The following FANCA variants were observed in gnomAD, a reference collection of about 807,000 sequenced individuals.
FANCA encodes the protein Fanconi anemia group A protein.
FANCA carries 236 observed loss-of-function variants against 194.3 expected under a neutral mutation model. The ratio of observed to expected loss-of-function variants is 1.21; its 90% CI spans 1.09 to 1.35. The LOEUF is 1.35. FANCA is among the 40% of genes most tolerant of loss of function. The pLI is 0.00. For missense variants in FANCA, 2,628 were observed against 1,813.9 expected, an observed-to-expected ratio of 1.45 and a Z score of -8.15; for synonymous variants, 1,014 against 715.8, an observed-to-expected ratio of 1.42 and a Z score of -6.65.
At chr16:89,752,635 C>G (rs1276713925) in intron 30 of FANCA, among the ~76,000 whole-genome samples, 1 of 152,208 alleles carries the variant, frequency 6.6e-6, no homozygotes, top group African/African-American at 2.4e-5. Flanking sequence ...TGATAATCCT[C>G]ACTCAATAAT....
chr16:89,761,840 G>T, intron 29 of FANCA, 109 bp downstream of exon 29: 1 of 872,020 alleles, frequency 1.1e-6, no homozygotes, highest in Non-Finnish European at 2.0e-6. Flanking sequence ...TGCCCAGGCT[G>T]ACCTCAAACT....
At chr16:89,786,809 T>C (rs1029478830) in intron 14 of FANCA, among the ~76,000 whole-genome samples, 2 of 152,164 alleles carry the variant, frequency 1.3e-5, no homozygotes, top group African/African-American at 4.8e-5. Context: ...AGTTAAAAAT[T>C]TAAATAAAAC....
intron 31 of FANCA, among the ~76,000 whole-genome samples, chr16:89,750,501 A>C (rs953569177): frequency 2.1e-5 from 3 of 145,588 alleles, no homozygotes; most frequent in Non-Finnish European, 3.1e-5. Context: ...ACAAACAAAA[A>C]AAAACAGCCA....
intron 3 of FANCA, among the ~76,000 whole-genome samples, chr16:89,813,568 G>A (rs1049079978): frequency 3.9e-5 from 6 of 152,048 alleles, no homozygotes; most frequent in African/African-American, 1.2e-4. Context: ...GAATAGCTGG[G>A]ACTACAGGCA....
Position 89,769,870 on chromosome 16 carries a change from C to T in FANCA, c.2471G>A (p.Cys824Tyr), listed in dbSNP as rs2143331796. The T allele has an allele frequency of 1.2e-6, 2 of 1,614,164 alleles. No homozygotes were observed. Among genetic ancestry groups the T allele is most frequent in the African/African-American group, 1.3e-5 (1 of 75,050 alleles). ...GAAGAACAAGGAATCCCTCGTCCTA[C>T]AGGTCAGGAGGCTGTCAAAGAGCGC... ...VPALFDSLLT[C>Y]RTRDSLFFCL... is the part of the protein sequence containing the mutation. Residue 824 changes from cysteine to tyrosine, a missense_variant, in exon 26 of 43, where the codon TGT becomes TAT. Transcript: ENST00000389301.
chr16:89,766,640 G>A (rs1484105996), intron 27 of FANCA, among the ~76,000 whole-genome samples: 2 of 152,034 alleles, frequency 1.3e-5, no homozygotes, highest in East Asian at 1.9e-4. Flanking sequence ...GCCTGAACCC[G>A]GGAGGTGGAG....
chr16:89,780,685 T>G (rs538979616), intron 17 of FANCA, among the ~76,000 whole-genome samples: 2 of 151,404 alleles, frequency 1.3e-5, no homozygotes, highest in South Asian at 4.2e-4. Flanking sequence ...TCCCAGCATT[T>G]TGGGGGGCCA....
At chr16:89,740,651 A>C (rs1476649258) in intron 38 of FANCA, 153 bp downstream of exon 38, 12 of 654,912 alleles carry the variant, frequency 1.8e-5, no homozygotes, top group Non-Finnish European at 3.3e-5. Flanking sequence ...AAAAAAAAAA[A>C]AAACCCACGG....
At position 89,738,498 on chromosome 16, in the gene FANCA, G is replaced by C. The variant is rs536287114; in HGVS notation, c.*103C>G. The C allele has an allele frequency of 1.9e-6, 3 of 1,550,248 alleles. No individual in the cohort carries two copies. The highest frequency in any genetic ancestry group is 2.3e-5 in the East Asian group (1 of 44,412). ...GATTCCTTTCCCCACTAAAGCAGTC[G>C]AGGAGATTTGTAATCCACTTTTTAG... On this transcript the variant is annotated 3_prime_UTR_variant, in exon 43 of 43. Coordinates refer to ENST00000389301, the MANE Select transcript of FANCA (RefSeq NM_000135.4).
intron 15 of FANCA, 118 bp downstream of exon 15, chr16:89,784,736 C>T (rs1360654621): frequency 7.4e-6 from 6 of 810,142 alleles, no homozygotes; most frequent in Non-Finnish European, 1.3e-5. Flanking sequence ...AGGGGAAGGG[C>T]CTGGCTGAGA....
chr16:89,775,052 C>G (rs185786701), intron 21 of FANCA, among the ~76,000 whole-genome samples: 1 of 152,018 alleles, frequency 6.6e-6, no homozygotes, highest in Admixed American at 6.6e-5. Context: ...CAAAATCGCG[C>G]CACTGCAGTC....
chr16:89,770,740 A>C (rs2143341532), intron 23 of FANCA, 106 bp from the exon 24 acceptor site: 1 of 982,024 alleles, frequency 1.0e-6, no homozygotes, highest in Non-Finnish European at 1.6e-6. Context: ...GCTTTGCAAA[A>C]AGACCTCCAA....
chr16:89,793,899 C>G, intron 11 of FANCA, among the ~76,000 whole-genome samples: 1 of 152,200 alleles, frequency 6.6e-6, no homozygotes, highest in East Asian at 1.9e-4. Context: ...TACAGGCGCC[C>G]ACCACCACGC....
chr16:89,795,149 G>A (rs1351558146), intron 11 of FANCA, among the ~76,000 whole-genome samples: 2 of 151,648 alleles, frequency 1.3e-5, no homozygotes, highest in East Asian at 3.9e-4. Flanking sequence ...GCCGGGCATG[G>A]TGGCACATGC....
intron 8 of FANCA, among the ~76,000 whole-genome samples, chr16:89,799,969 G>A (rs1473277878): frequency 3.9e-5 from 6 of 152,194 alleles, no homozygotes; most frequent in Admixed American, 1.3e-4. Flanking sequence ...AGTCCGGCCC[G>A]GGCGAAAGAG....
chr16:89,739,461 C>T lies in FANCA; in HGVS notation c.4010+17G>A, dbSNP rs1318852669. 1.3e-6 allele frequency: 2 copies of T among 1,551,840 alleles called. No individual in the cohort carries two copies. The highest frequency in any genetic ancestry group is 4.9e-5 in the East Asian group (2 of 41,066). ...GAAACACTGCCCAGCCCTGACCAGC[C>T]CTGTGGGTGGAGGTACCTGTAAAAA... On this transcript the variant is annotated intron_variant, in intron 40 of 42. Transcript: ENST00000389301.
Position 89,805,265 on chromosome 16 carries a change from TTGTCA to T in FANCA, c.709+10_709+14del. On this transcript the variant is annotated intron_variant, in intron 7 of 42. Transcript: ENST00000389301. ...TGAGTTTTACCCAAGAACCCGCATC[TTGTCA>T]TGAACGCACCAGAAAGCATGGCCCT... is the stretch of plus-strand genomic sequence containing the variant. The T allele has an allele frequency of 6.2e-7, 1 of 1,603,230 alleles. No individual in the cohort carries two copies. The highest frequency in any genetic ancestry group is 8.5e-7 in the Non-Finnish European group (1 of 1,170,436).
intron 15 of FANCA, among the ~76,000 whole-genome samples, chr16:89,783,562 AC>A (rs2039795758): frequency 1.3e-5 from 2 of 150,944 alleles, no homozygotes; most frequent in South Asian, 4.2e-4. Context: ...AAAAAAAAAA[AC>A]AACAAAAAAA....
At chr16:89,765,777 C>T (rs902571216) in intron 27 of FANCA, among the ~76,000 whole-genome samples, 2 of 152,348 alleles carry the variant, frequency 1.3e-5, no homozygotes, top group African/African-American at 2.4e-5. Flanking sequence ...GGGAACCACG[C>T]TGCCCTCTCC....
Sources: gnomAD v4.1 joint callset for allele counts (sites outside exome capture counted in the v4.1 genomes callset) on GRCh38, gnomAD v4.1.1 for gene constraint, MANE v1.5 for transcripts, NCBI Gene and HGNC (gene_info 2026-07-23, HGNC 2026-07-21) for gene names.